Variants in IFT80 observed in about 807,000 individuals in gnomAD.
IFT80 encodes the protein intraflagellar transport protein 80 homolog.
A neutral mutation model predicts 107.9 loss-of-function variants in IFT80; 79 were observed. The ratio of observed to expected loss-of-function variants is 0.73; its 90% CI spans 0.61 to 0.88. The LOEUF is 0.88. Among genes scored for constraint, IFT80 ranks in the 40% least tolerant of loss-of-function variants. The pLI is 0.00. For missense variants in IFT80, 797 were observed against 914.2 expected, an observed-to-expected ratio of 0.87 and a Z score of 1.65; for synonymous variants, 299 against 300.9, an observed-to-expected ratio of 0.99 and a Z score of 0.07.
chr3:160,356,713 G>A (rs1388419903), intron 7 of IFT80, among the ~76,000 whole-genome samples: 1 of 152,090 alleles, frequency 6.6e-6, no homozygotes, highest in Non-Finnish European at 1.5e-5. Flanking sequence ...TAGAGATGGG[G>A]TCTTGTTATA....
intron 1 of IFT80, among the ~76,000 whole-genome samples, chr3:160,397,723 T>C (rs1055241719): frequency 6.8e-6 from 1 of 147,280 alleles, no homozygotes; most frequent in African/African-American, 2.5e-5. Context: ...ATACTTTTTT[T>C]TTTTTTTTTT....
At chr3:160,309,590 G>C (rs1032234573) in intron 9 of IFT80, among the ~76,000 whole-genome samples, 1 of 152,140 alleles carries the variant, frequency 6.6e-6, no homozygotes, top group Non-Finnish European at 1.5e-5. Flanking sequence ...AGGAGGCTGA[G>C]GCAGGAGAAT....
At chr3:160,366,603 T>C (rs1576878680) in intron 5 of IFT80, among the ~76,000 whole-genome samples, 1 of 152,096 alleles carries the variant, frequency 6.6e-6, no homozygotes, top group East Asian at 1.9e-4. Flanking sequence ...ACAAATGATG[T>C]TGGTTTAAAG....
chr3:160,357,427 A>T, intron 7 of IFT80, 62 bp downstream of exon 7: 1 of 882,618 alleles, frequency 1.1e-6, no homozygotes. Context: ...GAATATTCTT[A>T]TATGCTAAGT....
intron 8 of IFT80, among the ~76,000 whole-genome samples, chr3:160,326,116 A>ACCTGC (rs950330696): frequency 7.9e-5 from 12 of 152,210 alleles, no homozygotes; most frequent in South Asian, 2.1e-4. Flanking sequence ...TACATAACAA[A>ACCTGC]CCTGCACACG....
intron 4 of IFT80, 49 bp downstream of exon 4, chr3:160,377,381 T>C (rs370010354): frequency 3.6e-6 from 4 of 1,108,648 alleles, no homozygotes; most frequent in African/African-American, 1.5e-5. Context: ...TCTTTGGAAA[T>C]TTTTCTTTAA....
intron 5 of IFT80, among the ~76,000 whole-genome samples, chr3:160,375,530 T>C (rs1576890184): frequency 1.3e-5 from 2 of 152,262 alleles, no homozygotes; most frequent in South Asian, 4.1e-4. Context: ...CAATTATTTT[T>C]TGAAAATATT....
chr3:160,305,703 T>G (rs1195710271), intron 10 of IFT80, among the ~76,000 whole-genome samples: 1 of 152,142 alleles, frequency 6.6e-6, no homozygotes, highest in Non-Finnish European at 1.5e-5. Context: ...TGTAGAATGC[T>G]TATATATTGT....
intron 19 of IFT80, among the ~76,000 whole-genome samples, chr3:160,263,414 C>A (rs1293669499): frequency 1.3e-5 from 2 of 152,188 alleles, no homozygotes; most frequent in African/African-American, 4.8e-5. Context: ...ATCTCCAAGT[C>A]TTCCCATTGC....
chr3:160,279,338 A>G lies in IFT80; in HGVS notation c.1691T>C (p.Val564Ala), dbSNP rs139849328. 25 of 1,613,280 alleles carry G rather than the reference A, an allele frequency of 1.5e-5. No homozygotes were observed. Among genetic ancestry groups the G allele is most frequent in the Non-Finnish European group, 2.1e-5 (25 of 1,179,458 alleles). The stretch of plus-strand genomic sequence containing the variant: ...AGTTACTTGATTTCCAACAAAACTC[A>G]CAATATGGGGATTTTTACTAAATTC... Reference protein sequence around the residue: ...ASEFSKNPHIVSFVGNQVTIR... With the variant: ...ASEFSKNPHIASFVGNQVTIR... Residue 564 changes from valine to alanine, a missense_variant, in exon 16 of 20, where the codon GTG becomes GCG. Coordinates refer to ENST00000326448, the MANE Select transcript of IFT80 (RefSeq NM_020800.3).
chr3:160,345,937 A>G (rs762770752), intron 8 of IFT80, among the ~76,000 whole-genome samples: 1 of 152,316 alleles, frequency 6.6e-6, no homozygotes, highest in South Asian at 2.1e-4. Flanking sequence ...GCTTGAGGGA[A>G]TGGATACCCC....
intron 1 of IFT80, among the ~76,000 whole-genome samples, chr3:160,392,954 C>A (rs1713494715): frequency 6.6e-6 from 1 of 152,166 alleles, no homozygotes; most frequent in Non-Finnish European, 1.5e-5. Flanking sequence ...GCCAGTAGTC[C>A]TAGCTACTTG....
chr3:160,326,849 G>A (rs903061502), intron 8 of IFT80, among the ~76,000 whole-genome samples: 2 of 151,990 alleles, frequency 1.3e-5, no homozygotes, highest in Non-Finnish European at 2.9e-5. Flanking sequence ...AAAAATAAGG[G>A]TACTCAGATA....
intron 6 of IFT80, among the ~76,000 whole-genome samples, chr3:160,362,075 C>G (rs1721531042): frequency 6.6e-6 from 1 of 152,026 alleles, no homozygotes; most frequent in South Asian, 2.1e-4. Context: ...TCAAAAAAAT[C>G]AATGAATCCA....
At chr3:160,278,335 G>A (rs1714429128) in intron 16 of IFT80, among the ~76,000 whole-genome samples, 1 of 152,200 alleles carries the variant, frequency 6.6e-6, no homozygotes, top group Admixed American at 6.5e-5. Flanking sequence ...AGATGGCACT[G>A]GCCAGGTGGA....
intron 1 of IFT80, among the ~76,000 whole-genome samples, chr3:160,398,465 A>T (rs1714045506): frequency 6.6e-6 from 1 of 152,244 alleles, no homozygotes; most frequent in Admixed American, 6.5e-5. Context: ...TGAATACTGG[A>T]GATAGTCAAA....
At chr3:160,314,409 C>T (rs1272607997) in intron 9 of IFT80, among the ~76,000 whole-genome samples, 1 of 152,162 alleles carries the variant, frequency 6.6e-6, no homozygotes, top group Non-Finnish European at 1.5e-5. Flanking sequence ...ATCCACTGGG[C>T]TGCTTCCTGG....
chr3:160,294,007 G>T (rs993829888), intron 12 of IFT80, among the ~76,000 whole-genome samples: 9 of 149,482 alleles, frequency 6.0e-5, no homozygotes, highest in African/African-American at 2.2e-4. Flanking sequence ...CTCACCCGAG[G>T]TCTACCCTTT....
At chr3:160,280,628 A>G (rs766262685) in intron 15 of IFT80, 39 bp downstream of exon 15, 26 of 1,557,312 alleles carry the variant, frequency 1.7e-5, no homozygotes, top group Non-Finnish European at 2.2e-5. Context: ...TTAGAGTTTT[A>G]TTTACTACAA....
Sources: allele counts gnomAD v4.1 joint callset (sites outside exome capture counted in the v4.1 genomes callset), GRCh38; gene constraint gnomAD v4.1.1; transcripts MANE v1.5; gene names NCBI Gene and HGNC (gene_info 2026-07-23, HGNC 2026-07-21).